SOX6: variants seen among roughly 807,000 people sequenced by gnomAD.
SOX6 encodes transcription factor SOX-6.
Under a neutral mutation model 97.8 loss-of-function variants are expected in SOX6, and 11 were observed. The ratio of observed to expected loss-of-function variants is 0.11; its 90% CI spans 0.07 to 0.19. The LOEUF (loss-of-function observed/expected upper bound fraction) is 0.19, where lower values mean the gene tolerates loss of function less well. SOX6 is among the 10% of genes least tolerant of loss of function. The pLI, the probability that SOX6 is intolerant of heterozygous loss-of-function variation, is 1.00. For synonymous variants in SOX6, 360 were observed against 371.4 expected, an observed-to-expected ratio of 0.97 and a Z score of 0.35; for missense variants, 810 against 1,039.5, an observed-to-expected ratio of 0.78 and a Z score of 3.04.
At chr11:16,113,468 G>A (rs1035771072) in intron 6 of SOX6, among the ~76,000 whole-genome samples, 7 of 152,166 alleles carry the variant, frequency 4.6e-5, no homozygotes. Flanking sequence ...CAGTGCCCAG[G>A]TCTTGCCTTT....
At chr11:16,389,389 T>C (rs1368387113) in intron 1 of SOX6, among the ~76,000 whole-genome samples, 1 of 152,224 alleles carries the variant, frequency 6.6e-6, no homozygotes, top group Non-Finnish European at 1.5e-5. Flanking sequence ...CTGGCCTCTC[T>C]GTTCTTTAAA....
chr11:16,488,495 C>G (rs959736932), intron 4 of SOX6, among the ~76,000 whole-genome samples: 15 of 151,838 alleles, frequency 9.9e-5, no homozygotes, highest in African/African-American at 3.4e-4. Context: ...TGCTTTTTCC[C>G]TAAGACTCAG....
chr11:16,201,053 G>C (rs938295535), intron 4 of SOX6, among the ~76,000 whole-genome samples: 3 of 151,406 alleles, frequency 2.0e-5, no homozygotes, highest in African/African-American at 7.3e-5. Context: ...GGAGACGGAG[G>C]TTGCAGTGAG....
At chr11:16,599,306 A>G (rs774334246) in intron 4 of SOX6, among the ~76,000 whole-genome samples, 10 of 152,182 alleles carry the variant, frequency 6.6e-5, no homozygotes, top group Non-Finnish European at 1.3e-4. Context: ...AAATACAGAA[A>G]TAGAAGAGCC....
chr11:16,536,332 G>T (rs143049950), intron 4 of SOX6, among the ~76,000 whole-genome samples: 4 of 152,226 alleles, frequency 2.6e-5, no homozygotes, highest in Admixed American at 2.0e-4. Flanking sequence ...AATCAAGGTC[G>T]CTTCCAAGAT....
chr11:16,079,316 AC>A (rs1174679001), intron 9 of SOX6, among the ~76,000 whole-genome samples: 1 of 152,214 alleles, frequency 6.6e-6, no homozygotes, highest in East Asian at 1.9e-4. Context: ...AAATATATAT[AC>A]TTGATAAAAT....
intron 4 of SOX6, among the ~76,000 whole-genome samples, chr11:16,484,867 A>G (rs1298777317): frequency 1.3e-5 from 2 of 152,192 alleles, no homozygotes; most frequent in South Asian, 2.1e-4. Flanking sequence ...TGATTATACA[A>G]TCACCTAAAA....
chr11:16,164,595 G>A (rs527670272), intron 6 of SOX6, among the ~76,000 whole-genome samples: 9 of 152,122 alleles, frequency 5.9e-5, no homozygotes, highest in Middle Eastern at 3.4e-3. Context: ...AGGCCGAGGC[G>A]GGCGGATCAC....
At chr11:16,502,377 G>A (rs1019323495) in intron 4 of SOX6, among the ~76,000 whole-genome samples, 1 of 151,768 alleles carries the variant, frequency 6.6e-6, no homozygotes, top group Non-Finnish European at 1.5e-5. Flanking sequence ...TGAGTTAATG[G>A]GTGCAGCACA....
At chr11:16,582,841 G>A (rs183635691) in intron 4 of SOX6, among the ~76,000 whole-genome samples, 103 of 152,068 alleles carry the variant, frequency 6.8e-4, no homozygotes, top group Admixed American at 3.7e-3. Context: ...AGATCAAATG[G>A]TTTTATAGGT....
At chr11:16,182,531 T>C (rs1851372216) in intron 6 of SOX6, among the ~76,000 whole-genome samples, 1 of 151,864 alleles carries the variant, frequency 6.6e-6, no homozygotes, top group East Asian at 1.9e-4. Flanking sequence ...GGTCTCAGCA[T>C]GAGTCATAAA....
intron 4 of SOX6, among the ~76,000 whole-genome samples, chr11:16,522,078 T>A (rs546258211): frequency 1.4e-4 from 22 of 152,258 alleles, no homozygotes; most frequent in Admixed American, 9.8e-4. Flanking sequence ...CCAGGAGAAC[T>A]TCCCCAATCT....
intron 1 of SOX6, among the ~76,000 whole-genome samples, chr11:16,403,472 C>T (rs1274850285): frequency 1.3e-5 from 2 of 151,600 alleles, no homozygotes; most frequent in African/African-American, 2.4e-5. Flanking sequence ...ACATAAAAGG[C>T]GATTGTCTGG....
intron 7 of SOX6, among the ~76,000 whole-genome samples, chr11:16,100,878 T>C (rs1848928225): frequency 6.6e-6 from 1 of 151,480 alleles, no homozygotes; most frequent in South Asian, 2.1e-4. Flanking sequence ...GTTAACACAT[T>C]GAAGAAATAA....
Position 16,715,458 on chromosome 11 carries a change from T to A in SOX6, n.354-553A>T, listed in dbSNP as rs1389143486. On this transcript the variant is annotated intron_variant and non_coding_transcript_variant, in intron 2 of 5. Transcript: ENST00000524520. ...CTTGCTATAATAAATAAGATTTTTA[T>A]AGTTAAGTTAGTTTTTGGTGTTTTT... 2.0e-5 allele frequency among the ~76,000 whole-genome samples: 3 copies of A among 152,206 alleles called. No homozygotes were observed. In the South Asian group the frequency reaches 6.2e-4, roughly 31 times the overall value.
intron 2 of SOX6, among the ~76,000 whole-genome samples, chr11:16,335,798 G>C (rs1856442553): frequency 1.3e-5 from 2 of 152,158 alleles, no homozygotes. Context: ...CTCCAGAGTT[G>C]ATTAGCAACT....
At chr11:16,649,114 G>C (rs1442347383) in intron 3 of SOX6, among the ~76,000 whole-genome samples, 1 of 152,132 alleles carries the variant, frequency 6.6e-6, no homozygotes. Context: ...CAAAATATTT[G>C]GGATTATCTT....
At chr11:16,243,603 G>A (rs578122175) in intron 3 of SOX6, among the ~76,000 whole-genome samples, 1 of 151,652 alleles carries the variant, frequency 6.6e-6, no homozygotes, top group African/African-American at 2.4e-5. Context: ...TACTCATGTA[G>A]CTCCACCCTC....
Position 16,544,945 on chromosome 11 carries a change from C to A in SOX6, n.609+67136G>T, listed in dbSNP as rs77990881. 4.0e-3 allele frequency among the ~76,000 whole-genome samples: 601 copies of A among 152,050 alleles called. 15 individuals are homozygous for A. In the East Asian group the frequency reaches 0.052, roughly 13 times the overall value. ...TACAGTTAAAACTTATAGAGAGGGC[C>A]AGGCACCACGGCTCACATCTTTAAT... On this transcript the variant is annotated intron_variant and non_coding_transcript_variant, in intron 4 of 5. Coordinates refer to the SOX6 transcript ENST00000524520.
Sources: gnomAD v4.1 joint callset for allele counts (sites outside exome capture counted in the v4.1 genomes callset) on GRCh38, gnomAD v4.1.1 for gene constraint, MANE v1.5 for transcripts, NCBI Gene and HGNC (gene_info 2026-07-23, HGNC 2026-07-21) for gene names.